THSD4: variants seen among roughly 807,000 people sequenced by gnomAD.
THSD4 encodes thrombospondin type-1 domain-containing protein 4.
Under a neutral mutation model 119.0 loss-of-function variants are expected in THSD4, and 69 were observed. The observed-to-expected ratio is 0.58, with a 90% CI of 0.48 to 0.71. The LOEUF (loss-of-function observed/expected upper bound fraction) is 0.71. Among genes scored for constraint, THSD4 ranks in the 30% least tolerant of loss-of-function variants. THSD4 has a pLI of 0.00. For synonymous variants in THSD4, 524 were observed against 540.4 expected (o/e 0.97, Z 0.42); for missense variants, 1,393 against 1,391.1 (o/e 1.00, Z -0.02).
At chr15:71,715,479 A>C (rs74025515) in intron 8 of THSD4, among the ~76,000 whole-genome samples, 25,807 of 152,010 alleles carry the variant, frequency 0.17, 2,397 homozygotes, top group Middle Eastern at 0.22. Flanking sequence ...AATTCCCAGC[A>C]TTGAATGGGC....
intron 7 of THSD4, among the ~76,000 whole-genome samples, chr15:71,573,097 C>T (rs1323322396): frequency 6.6e-6 from 1 of 152,134 alleles, no homozygotes; most frequent in East Asian, 1.9e-4. Flanking sequence ...TTGGGAAATA[C>T]ACTGTGGCAT....
chr15:71,694,147 G>C (rs1158427374), intron 8 of THSD4, among the ~76,000 whole-genome samples: 1 of 152,176 alleles, frequency 6.6e-6, no homozygotes, highest in Non-Finnish European at 1.5e-5. Flanking sequence ...AATGGTCTTG[G>C]TCAGATCCTC....
At chr15:71,287,136 A>T (rs1436963371) in intron 6 of THSD4, among the ~76,000 whole-genome samples, 1 of 152,244 alleles carries the variant, frequency 6.6e-6, no homozygotes, top group Non-Finnish European at 1.5e-5. Context: ...AAAGAAATTA[A>T]TACTAAACAG....
chr15:71,735,478 C>G (rs1206846164), intron 10 of THSD4, among the ~76,000 whole-genome samples: 2 of 151,990 alleles, frequency 1.3e-5, no homozygotes, highest in Non-Finnish European at 2.9e-5. Context: ...CTCTTTCTCA[C>G]TAGCTCTCTG....
At chr15:71,746,250 A>G (rs888266476) in intron 12 of THSD4, among the ~76,000 whole-genome samples, 4 of 151,622 alleles carry the variant, frequency 2.6e-5, no homozygotes, top group African/African-American at 9.8e-5. Flanking sequence ...TTTTAATTAG[A>G]TAAAAATCAT....
chr15:71,315,138 TG>T (rs2045168485), intron 6 of THSD4, among the ~76,000 whole-genome samples: 1 of 152,164 alleles, frequency 6.6e-6, no homozygotes, highest in African/African-American at 2.4e-5. Context: ...GGGTCCTTGT[TG>T]GCATCCTAGA....
chr15:71,199,415 C>G (rs2043747854), intron 3 of THSD4, among the ~76,000 whole-genome samples: 1 of 144,372 alleles, frequency 6.9e-6, no homozygotes. Flanking sequence ...ACCCTAGACA[C>G]TGTTGACATT....
intron 4 of THSD4, among the ~76,000 whole-genome samples, chr15:71,223,541 A>G (rs2043991795): frequency 1.3e-5 from 2 of 152,178 alleles, no homozygotes; most frequent in South Asian, 4.1e-4. Context: ...CTGCCTCTGG[A>G]TCTCAGGGCT....
At chr15:71,359,642 C>T (rs916018070) in intron 6 of THSD4, among the ~76,000 whole-genome samples, 1 of 152,114 alleles carries the variant, frequency 6.6e-6, no homozygotes, top group Non-Finnish European at 1.5e-5. Flanking sequence ...ACCCCAATCT[C>T]TACCAAAAAT....
chr15:71,722,971 G>A (rs1336376018), intron 8 of THSD4, among the ~76,000 whole-genome samples: 1 of 151,850 alleles, frequency 6.6e-6, no homozygotes, highest in African/African-American at 2.4e-5. Context: ...CACACACACC[G>A]ACCTAGCTCA....
intron 7 of THSD4, among the ~76,000 whole-genome samples, chr15:71,557,735 T>C (rs1218469325): frequency 6.6e-6 from 1 of 152,180 alleles, no homozygotes; most frequent in African/African-American, 2.4e-5. Context: ...CCATTTCATC[T>C]ACGTTTTCCA....
intron 7 of THSD4, among the ~76,000 whole-genome samples, chr15:71,473,056 CT>C (rs35085059): frequency 0.02 from 2,580 of 129,240 alleles, 17 homozygotes; most frequent in Non-Finnish European, 0.029. Context: ...CTGTATTTGG[CT>C]TTTTTTTTTT....
Position 71,210,284 on chromosome 15 carries a change from G to A in THSD4, c.100-4751G>A, listed in dbSNP as rs557338949. Among the ~76,000 whole-genome samples, 17 of 152,262 alleles carry A rather than the reference G, an allele frequency of 1.1e-4. No homozygotes were observed. The East Asian group carries it at 3.3e-3, about 29-fold the overall frequency. On this transcript the variant is annotated intron_variant, in intron 3 of 17. Coordinates refer to ENST00000261862, the MANE Select transcript of THSD4 (RefSeq NM_024817.3). Reference sequence around the variant, plus strand: ...AGGGAGGTGATGATAGTTTCTTTAGGTGGGTGTTTTGAGGATTAATTAGAT... The same window carrying A: ...AGGGAGGTGATGATAGTTTCTTTAGATGGGTGTTTTGAGGATTAATTAGAT...
intron 7 of THSD4, among the ~76,000 whole-genome samples, chr15:71,508,420 T>TGG (rs1398182696): frequency 6.6e-6 from 1 of 152,218 alleles, no homozygotes; most frequent in African/African-American, 2.4e-5. Context: ...CAGATGGTCA[T>TGG]GGTTACCTTG....
chr15:71,445,402 A>G (rs1476931589), intron 7 of THSD4, among the ~76,000 whole-genome samples: 1 of 152,312 alleles, frequency 6.6e-6, no homozygotes, highest in East Asian at 1.9e-4. Context: ...TACTCAAAAG[A>G]TGTTTGTTCA....
chr15:71,666,515 T>C (rs765719016), intron 8 of THSD4, among the ~76,000 whole-genome samples: 6 of 152,176 alleles, frequency 3.9e-5, no homozygotes, highest in Non-Finnish European at 7.3e-5. Context: ...ACCACACATA[T>C]ATAATACTTC....
At chr15:71,583,574 GTC>G (rs35716357) in intron 7 of THSD4, among the ~76,000 whole-genome samples, 49,934 of 151,280 alleles carry the variant, frequency 0.33, 8,715 homozygotes, top group South Asian at 0.39. Flanking sequence ...CTTTTGCTGC[GTC>G]TCTTATAAGT....
intron 6 of THSD4, among the ~76,000 whole-genome samples, chr15:71,340,551 C>A (rs2045552506): frequency 6.6e-6 from 1 of 151,860 alleles, no homozygotes; most frequent in Non-Finnish European, 1.5e-5. Context: ...CCTTCCACTT[C>A]CTAGGCTGTC....
intron 5 of THSD4, among the ~76,000 whole-genome samples, chr15:71,250,797 A>G (rs941715874): frequency 5.9e-5 from 9 of 152,202 alleles, no homozygotes; most frequent in Admixed American, 1.3e-4. Flanking sequence ...TTAAAAATCT[A>G]TGATTGGCCT....
Sources: gnomAD v4.1 joint callset for allele counts (sites outside exome capture counted in the v4.1 genomes callset) on GRCh38, gnomAD v4.1.1 for gene constraint, MANE v1.5 for transcripts, NCBI Gene and HGNC (gene_info 2026-07-23, HGNC 2026-07-21) for gene names.